The following NCR1 variants were observed in gnomAD, a reference collection of about 807,000 sequenced individuals.
The protein encoded by NCR1 is NK cell-activating receptor.
NCR1 carries 30 observed loss-of-function variants against 32.5 expected under a neutral mutation model. The observed-to-expected ratio is 0.92, with a 90% CI of 0.69 to 1.25. NCR1 has a LOEUF of 1.25. Among genes scored for constraint, NCR1 ranks in the 50% most tolerant of loss-of-function variants. The probability of loss-of-function intolerance (pLI) is 0.00; values close to 1 mark genes in which losing one functional copy is unlikely to be tolerated. For missense variants in NCR1, 369 were observed against 380.7 expected (o/e 0.97, Z 0.26); for synonymous variants, 169 against 143.4 (o/e 1.18, Z -1.28).
upstream of NCR1, among the ~76,000 whole-genome samples, chr19:54,903,359 C>T (rs796066609): frequency 2.6e-5 from 3 of 114,522 alleles, 1 homozygote; most frequent in African/African-American, 4.0e-5. Flanking sequence ...TGCATATATA[C>T]ATACATGTAT....
At chr19:54,930,570 G>A in the NCR1 span, 1 of 1,612,288 alleles carries the variant, frequency 6.2e-7, no homozygotes, top group South Asian at 1.1e-5. Flanking sequence ...GAGCTATCTG[G>A]TTGATACTCA....
intron 4 of NCR1, 82 bp from the exon 5 acceptor site, chr19:54,909,934 CAA>C (rs11345154): frequency 0.032 from 19,345 of 595,948 alleles, no homozygotes; most frequent in East Asian, 0.057. Flanking sequence ...GACTCCATCT[CAA>C]AAAAAAAAAA....
At chr19:54,916,317 C>CTTTTTTTTTTTTTTTTTTTTTTTTTT (rs71181711), downstream of NCR1, among the ~76,000 whole-genome samples, 72 of 87,100 alleles carry the variant, frequency 8.3e-4, 10 homozygotes, top group Non-Finnish European at 1.3e-3. Flanking sequence ...GAATATTGTG[C>CTTTTTTTTTTTTTTTTTTTTTTTTTT]TTTTTTTTTT....
At chr19:54,912,538 G>T (rs1371104787) in intron 6 of NCR1, 152 bp from the exon 7 acceptor site, 2 of 650,192 alleles carry the variant, frequency 3.1e-6, no homozygotes, top group Non-Finnish European at 5.1e-6. Flanking sequence ...AGTGGAGGTT[G>T]CAGTGAGCCG....
intron 3 of NCR1, 34 bp downstream of exon 3, chr19:54,906,841 T>G (rs587727071): frequency 6.2e-7 from 1 of 1,607,882 alleles, no homozygotes; most frequent in East Asian, 2.2e-5. Context: ...GAGAGTGATC[T>G]CAGTCTGCAT....
upstream of NCR1, among the ~76,000 whole-genome samples, chr19:54,903,526 A>G (rs189988653): frequency 7.5e-4 from 107 of 142,020 alleles, 3 homozygotes; most frequent in South Asian, 3.6e-3. Flanking sequence ...ATGTGTGTAT[A>G]CATATATATG....
the NCR1 span, among the ~76,000 whole-genome samples, chr19:54,923,256 A>G: frequency 1.3e-5 from 2 of 152,194 alleles, no homozygotes; most frequent in African/African-American, 4.8e-5. Flanking sequence ...TGCCAAGCAT[A>G]TGAACTATCT....
At chr19:54,920,103 T>C (rs2068218893), downstream of NCR1, among the ~76,000 whole-genome samples, 1 of 152,232 alleles carries the variant, frequency 6.6e-6, no homozygotes, top group African/African-American at 2.4e-5. Context: ...TATTTTATTA[T>C]ACTGGAACAG....
At position 54,906,220 on chromosome 19, in the gene NCR1, C is replaced by G; in HGVS notation, c.33C>G (p.Val11=). The change falls in exon 1 of 7, where the codon GTC becomes GTG. Residue 11 remains valine (V), a splice_region_variant and synonymous_variant. Coordinates refer to ENST00000291890, the MANE Select transcript of NCR1 (RefSeq NM_004829.7). MSSTLPALLC[V]GLCLSQRISA... ...CCACACTCCCTGCCCTGCTCTGCGT[C>G]GGTGAGTTCTGGCGTGGAAGGGGAA... 1 of 1,614,172 alleles carries G rather than the reference C, an allele frequency of 6.2e-7. No individual in the cohort carries two copies. Among genetic ancestry groups the G allele is most frequent in the Non-Finnish European group, 8.5e-7 (1 of 1,180,036 alleles).
chr19:54,906,063 CA>C, upstream of NCR1: 1 of 1,144,460 alleles, frequency 8.7e-7, no homozygotes, highest in Non-Finnish European at 1.3e-6. Context: ...CTGATGAAAG[CA>C]GTCAACGTGA....
chr19:54,907,145 G>T (rs1737090771), intron 3 of NCR1, among the ~76,000 whole-genome samples: 1 of 150,880 alleles, frequency 6.6e-6, no homozygotes, highest in Admixed American at 6.6e-5. Flanking sequence ...ATCACAGGTG[G>T]TGGGTTTTTT....
At chr19:54,913,729 C>T (rs1417314510), downstream of NCR1, among the ~76,000 whole-genome samples, 7 of 151,556 alleles carry the variant, frequency 4.6e-5, no homozygotes, top group East Asian at 5.8e-4. Context: ...GTCAGGAGTT[C>T]GAGACCAGCC....
chr19:54,916,317 C>CTTTTTT (rs71181711), downstream of NCR1, among the ~76,000 whole-genome samples: 183 of 87,088 alleles, frequency 2.1e-3, 12 homozygotes, highest in African/African-American at 7.3e-3. Context: ...GAATATTGTG[C>CTTTTTT]TTTTTTTTTT....
the NCR1 span, among the ~76,000 whole-genome samples, chr19:54,934,265 C>T: frequency 6.6e-6 from 1 of 152,074 alleles, no homozygotes; most frequent in African/African-American, 2.4e-5. This position sits in a 1 kb window ranked among gnomAD's most constrained non-coding sequence, Gnocchi z 6.7. Context: ...TTAATAGAAA[C>T]AGGGTTTCAC....
upstream of NCR1, among the ~76,000 whole-genome samples, chr19:54,902,865 C>G (rs587651015): frequency 1.3e-5 from 2 of 152,266 alleles, no homozygotes; most frequent in South Asian, 2.1e-4. Flanking sequence ...TGTGGTGGCT[C>G]ACGCCTGTAA....
the NCR1 span, among the ~76,000 whole-genome samples, chr19:54,924,890 C>A: frequency 6.6e-6 from 1 of 152,126 alleles, no homozygotes; most frequent in Non-Finnish European, 1.5e-5. Flanking sequence ...TGAGCCAATA[C>A]CGCACCACTG....
upstream of NCR1, among the ~76,000 whole-genome samples, chr19:54,904,137 AAAAAAAGAAAG>A (rs1434369438): frequency 1.4e-5 from 2 of 142,024 alleles, no homozygotes; most frequent in African/African-American, 5.4e-5. Flanking sequence ...AAAAAAAAAA[AAAAAAAGAAAG>A]AAAAAGAAAA....
At chr19:54,916,081 C>T (rs2068125847), downstream of NCR1, 1 of 151,374 alleles carries the variant, frequency 6.6e-6, no homozygotes, top group South Asian at 2.1e-4. Context: ...CAGAGGTCCG[C>T]CTGCTCTCCC....
chr19:54,905,291 G>A (rs979911233), upstream of NCR1, among the ~76,000 whole-genome samples: 1 of 152,172 alleles, frequency 6.6e-6, no homozygotes, highest in Non-Finnish European at 1.5e-5. Context: ...TGACTGGTGT[G>A]AGATGGTATT....
Sources: gnomAD v4.1 joint callset for allele counts (sites outside exome capture counted in the v4.1 genomes callset) on GRCh38, gnomAD v4.1.1 for gene constraint, Gnocchi (gnomAD v3.1) non-coding constraint, MANE v1.5 for transcripts, NCBI Gene and HGNC (gene_info 2026-07-23, HGNC 2026-07-21) for gene names.